SUPT3H: variants seen among roughly 807,000 people sequenced by gnomAD.
SUPT3H encodes SPT3 homolog, SAGA and STAGA complex component.
Under a neutral mutation model 44.3 loss-of-function variants are expected in SUPT3H, and 44 were observed. The ratio of observed to expected loss-of-function variants is 0.99; its 90% CI spans 0.78 to 1.28. SUPT3H has a LOEUF of 1.28. Ranked by LOEUF, SUPT3H falls within the 50% of genes most tolerant of loss-of-function variation. SUPT3H has a pLI of 0.00. For missense variants in SUPT3H, 380 were observed against 387.1 expected, an observed-to-expected ratio of 0.98 and a Z score of 0.15; for synonymous variants, 124 against 125.6, an observed-to-expected ratio of 0.99 and a Z score of 0.09.
chr6:44,940,027 T>C (rs1582633930), intron 9 of SUPT3H, among the ~76,000 whole-genome samples: 2 of 152,058 alleles, frequency 1.3e-5, no homozygotes, highest in African/African-American at 2.4e-5. Context: ...CTTTTGTATT[T>C]TTTTTTGTCT....
At chr6:45,264,905 T>C (rs781674828) in intron 2 of SUPT3H, among the ~76,000 whole-genome samples, 3 of 152,074 alleles carry the variant, frequency 2.0e-5, no homozygotes, top group South Asian at 2.1e-4. Flanking sequence ...TATTTTTAAG[T>C]GAGAGAAGGC....
At chr6:44,857,781 C>G (rs908027204) in intron 10 of SUPT3H, among the ~76,000 whole-genome samples, 1 of 152,072 alleles carries the variant, frequency 6.6e-6, no homozygotes, top group Non-Finnish European at 1.5e-5. Context: ...TTCAAATAGG[C>G]AACTAGCAAT....
At chr6:45,022,420 T>G (rs1319311030) in intron 3 of SUPT3H, among the ~76,000 whole-genome samples, 5 of 151,302 alleles carry the variant, frequency 3.3e-5, no homozygotes, top group South Asian at 4.2e-4. Flanking sequence ...TCACTGTTTT[T>G]TTTTTTTTTT....
intron 2 of SUPT3H, among the ~76,000 whole-genome samples, chr6:45,297,090 AAGGAAAAAAAAAT>A (rs1781418249): frequency 6.6e-6 from 1 of 151,120 alleles, no homozygotes; most frequent in African/African-American, 2.4e-5. Flanking sequence ...AAAAAAAAAA[AAGGAAAAAAAAAT>A]GATGTGCTTC....
chr6:44,940,234 G>A (rs1170510834), intron 9 of SUPT3H, among the ~76,000 whole-genome samples: 3 of 151,946 alleles, frequency 2.0e-5, no homozygotes, highest in African/African-American at 7.2e-5. Context: ...ACAGGTTTCA[G>A]TGCGTTGTGT....
intron 3 of SUPT3H, among the ~76,000 whole-genome samples, chr6:45,070,557 T>C (rs1412646633): frequency 6.6e-6 from 1 of 151,670 alleles, no homozygotes. Flanking sequence ...CTGCCCAACA[T>C]GGTGAAACCC....
chr6:45,320,491 C>T (rs1785320976), intron 2 of SUPT3H, among the ~76,000 whole-genome samples: 1 of 151,072 alleles, frequency 6.6e-6, no homozygotes, highest in South Asian at 2.1e-4. Context: ...GTTGCCCAGG[C>T]TGGTCTCGAA....
At chr6:45,258,784 G>C (rs1357223487) in intron 2 of SUPT3H, among the ~76,000 whole-genome samples, 1 of 152,072 alleles carries the variant, frequency 6.6e-6, no homozygotes, top group Non-Finnish European at 1.5e-5. Context: ...TTGAAAACTT[G>C]AGTTATGTGG....
chr6:45,294,413 C>T (rs920084798), intron 2 of SUPT3H, among the ~76,000 whole-genome samples: 9 of 152,112 alleles, frequency 5.9e-5, no homozygotes, highest in Non-Finnish European at 1.2e-4. Context: ...CCTCTGAGAA[C>T]AGGAACAATA....
At chr6:45,338,321 A>G (rs892859847) in intron 2 of SUPT3H, among the ~76,000 whole-genome samples, 4 of 150,980 alleles carry the variant, frequency 2.6e-5, no homozygotes, top group African/African-American at 4.8e-5. Context: ...ACAACTTTTG[A>G]GCATTTCCAG....
At chr6:45,017,861 A>G (rs1417044592) in intron 4 of SUPT3H, among the ~76,000 whole-genome samples, 1 of 143,526 alleles carries the variant, frequency 7.0e-6, no homozygotes, top group South Asian at 2.4e-4. Context: ...ACTTTAAAGT[A>G]GTTTTTTCCA....
At chr6:45,315,665 C>T (rs918915455) in intron 2 of SUPT3H, among the ~76,000 whole-genome samples, 1 of 152,110 alleles carries the variant, frequency 6.6e-6, no homozygotes, top group Non-Finnish European at 1.5e-5. Context: ...GGGAACACTT[C>T]TACACTGCTG....
intron 2 of SUPT3H, among the ~76,000 whole-genome samples, chr6:45,346,046 T>C (rs1176265388): frequency 1.3e-5 from 2 of 152,004 alleles, no homozygotes; most frequent in African/African-American, 4.8e-5. Flanking sequence ...TGAAGAAAAA[T>C]CTCAAACGAC....
At chr6:45,167,693 A>G (rs948291478) in intron 2 of SUPT3H, among the ~76,000 whole-genome samples, 1 of 151,688 alleles carries the variant, frequency 6.6e-6, no homozygotes, top group Non-Finnish European at 1.5e-5. Flanking sequence ...TGGAATAAGG[A>G]AAATTTAGAG....
chr6:44,980,109 A>T (rs1427296721), intron 6 of SUPT3H, among the ~76,000 whole-genome samples: 1 of 152,116 alleles, frequency 6.6e-6, no homozygotes, highest in African/African-American at 2.4e-5. Flanking sequence ...CACTGACTGA[A>T]GTCTCCAGGG....
chr6:45,277,932 A>G (rs1205556358), intron 2 of SUPT3H, among the ~76,000 whole-genome samples: 4 of 152,216 alleles, frequency 2.6e-5, no homozygotes, highest in Admixed American at 6.5e-5. Context: ...TACAGCATGG[A>G]ATACTATGCA....
chr6:45,018,282 T>C (rs1294943574), intron 4 of SUPT3H, among the ~76,000 whole-genome samples: 2 of 152,164 alleles, frequency 1.3e-5, no homozygotes, highest in African/African-American at 2.4e-5. Context: ...TATAATCATG[T>C]CGTCTGCAAA....
chr6:45,007,221 A>T (rs1421254101), intron 5 of SUPT3H, among the ~76,000 whole-genome samples: 1 of 152,044 alleles, frequency 6.6e-6, no homozygotes, highest in African/African-American at 2.4e-5. Context: ...GAGCTTTTGT[A>T]AGATTTTCTC....
intron 7 of SUPT3H, among the ~76,000 whole-genome samples, chr6:44,955,848 C>T (rs545539900): frequency 1.8e-3 from 276 of 152,216 alleles, no homozygotes; most frequent in African/African-American, 6.4e-3. Context: ...AGGCTGGGCG[C>T]GGTGGCTCAC....
Sources: allele counts gnomAD v4.1 joint callset (sites outside exome capture counted in the v4.1 genomes callset), GRCh38; gene constraint gnomAD v4.1.1; transcripts MANE v1.5; gene names NCBI Gene and HGNC (gene_info 2026-07-23, HGNC 2026-07-21).